The following TRIM71 variants were observed in gnomAD, a reference collection of about 807,000 sequenced individuals.
TRIM71 encodes E3 ubiquitin-protein ligase TRIM71.
A neutral mutation model predicts 61.2 loss-of-function variants in TRIM71; 9 were observed. The observed-to-expected ratio is 0.15, with a 90% CI of 0.09 to 0.26. The LOEUF (loss-of-function observed/expected upper bound fraction) is 0.26, where lower values mean the gene tolerates loss of function less well. Among genes scored for constraint, TRIM71 ranks in the 10% least tolerant of loss-of-function variants. The pLI is 1.00. For missense variants in TRIM71, 998 were observed against 1,238.7 expected (o/e 0.81, Z 2.92); for synonymous variants, 645 against 553.2 (o/e 1.17, Z -2.33).
At chr3:32,874,018 G>C in intron 2 of TRIM71, 33 bp downstream of exon 2, 2 of 1,560,574 alleles carry the variant, frequency 1.3e-6, no homozygotes, top group Non-Finnish European at 1.7e-6. Flanking sequence ...CAGTTCCCAC[G>C]TGAATCGAGC....
intron 1 of TRIM71, among the ~76,000 whole-genome samples, chr3:32,825,202 A>G (rs568663943): frequency 6.6e-6 from 1 of 152,314 alleles, no homozygotes; most frequent in Admixed American, 6.5e-5. Flanking sequence ...AATTATGAGC[A>G]TAATTGGGCT....
intron 1 of TRIM71, among the ~76,000 whole-genome samples, chr3:32,844,505 T>C (rs761741173): frequency 6.6e-6 from 1 of 152,186 alleles, no homozygotes. Context: ...CAAGCAATCC[T>C]TCTGCCTCAG....
rs78484656 is a variant in TRIM71 at position 32,869,332 on chromosome 3, C to G, written c.853-4486C>G. 1.1e-3 allele frequency among the ~76,000 whole-genome samples: 163 copies of G among 152,342 alleles called. 1 individual carries two copies. In the East Asian group the frequency reaches 0.016, roughly 15 times the overall value. ...ACCAAACTAATCTTTAAAAAGTTTA[C>G]AGCAGTTTATGTATTTTAGTTGAGA... On this transcript the variant is annotated intron_variant, in intron 1 of 3. Coordinates refer to ENST00000383763, the MANE Select transcript of TRIM71 (RefSeq NM_001039111.3).
In TRIM71 at chr3:32,893,612, C is replaced by G. The variant is rs1426516401; in HGVS notation, c.*1801C>G. 6.6e-6 allele frequency: 1 copy of G among 152,184 alleles called. No individual in the cohort carries two copies. Among genetic ancestry groups the G allele is most frequent in the Non-Finnish European group, 1.5e-5 (1 of 68,040 alleles). 9.4% of individuals were successfully genotyped at this position (152,184 alleles called of 1,614,324 possible). On this transcript the variant is annotated 3_prime_UTR_variant, in exon 4 of 4. Coordinates refer to ENST00000383763, the MANE Select transcript of TRIM71 (RefSeq NM_001039111.3). ...AAAGACTTATGGATCAACTTCTGTT[C>G]CTCTGTTTAAGAGAAATTTCTATTG...
rs1166656404 is a variant in TRIM71 at position 32,886,051 on chromosome 3, T to A, written c.1138T>A (p.Cys380Ser). Residue 380 changes from cysteine to serine, a missense_variant, in exon 3 of 4, where the codon TGT becomes AGT. Transcript: ENST00000383763. Reference protein sequence around the residue: ...RHKKALEERECELLWKVEKIR... With the variant: ...RHKKALEERESELLWKVEKIR... ...TAAGAAAGCCCTGGAGGAACGCGAG[T>A]GTGAGCTGCTGTGGAAGGTAACAGG... The A allele has an allele frequency of 6.2e-7, 1 of 1,613,354 alleles. No homozygotes were observed. The highest frequency in any genetic ancestry group is 1.1e-5 in the South Asian group (1 of 90,920).
At position 32,885,955 on chromosome 3, in the gene TRIM71, A is replaced by G; in HGVS notation, c.1042A>G (p.Thr348Ala). The G allele has an allele frequency of 6.2e-7, 1 of 1,614,050 alleles. No homozygotes were observed. Among genetic ancestry groups the G allele is most frequent in the Non-Finnish European group, 8.5e-7 (1 of 1,179,998 alleles). Residue 348 changes from threonine to alanine, a missense_variant, in exon 3 of 4, where the codon ACG becomes GCG. Transcript: ENST00000383763. Reference protein sequence around the residue: ...AIQLSIEQAQTVAEQVEMKAK... With the variant: ...AIQLSIEQAQAVAEQVEMKAK... ...CCAGCTGAGCATCGAGCAGGCCCAG[A>G]CGGTGGCGGAACAGGTGGAGATGAA...
chr3:32,888,532 TTTGTTGTTG>T (rs374711623), intron 3 of TRIM71, among the ~76,000 whole-genome samples: 6 of 149,896 alleles, frequency 4.0e-5, no homozygotes, highest in African/African-American at 1.5e-4. Flanking sequence ...CCTTTTGCGG[TTTGTTGTTG>T]TTGTTGTTGT....
chr3:32,827,636 A>G (rs987920336), intron 1 of TRIM71, among the ~76,000 whole-genome samples: 3 of 152,206 alleles, frequency 2.0e-5, no homozygotes, highest in African/African-American at 7.2e-5. Context: ...CAACATTAAT[A>G]GGTTTTAAAG....
intron 1 of TRIM71, among the ~76,000 whole-genome samples, chr3:32,855,643 T>G (rs1236985486): frequency 6.6e-6 from 1 of 152,132 alleles, no homozygotes; most frequent in Non-Finnish European, 1.5e-5. Flanking sequence ...GAGGGACATG[T>G]CCCAGAATGA....
At chr3:32,836,185 ACTTTG>A (rs1253951150) in intron 1 of TRIM71, among the ~76,000 whole-genome samples, 3 of 152,038 alleles carry the variant, frequency 2.0e-5, no homozygotes, top group Admixed American at 6.6e-5. Flanking sequence ...AGATCCCAGC[ACTTTG>A]CTCCGGAGAG....
chr3:32,878,073 A>G (rs1039587872), intron 2 of TRIM71, among the ~76,000 whole-genome samples: 4 of 152,266 alleles, frequency 2.6e-5, no homozygotes, highest in Non-Finnish European at 4.4e-5. Context: ...AGGAATCACT[A>G]TCTGTAGTAG....
At chr3:32,835,589 G>A (rs1025772364) in intron 1 of TRIM71, among the ~76,000 whole-genome samples, 1 of 152,182 alleles carries the variant, frequency 6.6e-6, no homozygotes, top group Non-Finnish European at 1.5e-5. Context: ...ATTTTAGGCT[G>A]TAATTTTTCT....
chr3:32,888,963 C>T (rs1696993134), intron 3 of TRIM71, among the ~76,000 whole-genome samples: 1 of 152,198 alleles, frequency 6.6e-6, no homozygotes, highest in African/African-American at 2.4e-5. Context: ...TGGCCTTTTG[C>T]CTAGTCTCAA....
At chr3:32,881,046 TCTCA>T (rs1485584618) in intron 2 of TRIM71, among the ~76,000 whole-genome samples, 2 of 152,008 alleles carry the variant, frequency 1.3e-5, no homozygotes, top group Non-Finnish European at 2.9e-5. Context: ...TGAGGTGGAG[TCTCA>T]CTCTGTTGCC....
chr3:32,818,687 G>A lies in TRIM71; in HGVS notation c.607G>A (p.Asp203Asn), dbSNP rs777880022. Residue 203 changes from aspartate (D) to asparagine (N), a missense_variant, in exon 1 of 4, where the codon GAT (aspartate) becomes AAT (asparagine). Around this residue, in one of 5 missense-constraint regions of TRIM71, gnomAD observed 527 missense variants for 427.8 expected, o/e 1.23. Transcript: ENST00000383763. Reference protein sequence around the residue: ...LRRPHGCSSCDEGNAASSRCL... With the variant: ...LRRPHGCSSCNEGNAASSRCL... The stretch of plus-strand genomic sequence containing the variant: ...CCGTCCTCACGGCTGCAGCTCGTGC[G>A]ATGAGGGCAACGCAGCTTCTTCGCG... 4 of 1,566,896 alleles carry A rather than the reference G, an allele frequency of 2.6e-6. No individual in the cohort carries two copies. In the South Asian group the frequency reaches 4.6e-5, roughly 18 times the overall value.
At chr3:32,859,554 G>C (rs1696642300) in intron 1 of TRIM71, among the ~76,000 whole-genome samples, 1 of 152,164 alleles carries the variant, frequency 6.6e-6, no homozygotes, top group African/African-American at 2.4e-5. Context: ...CACTGTGCCT[G>C]GCCAACTTTG....
intron 2 of TRIM71, among the ~76,000 whole-genome samples, chr3:32,877,888 A>G (rs779993777): frequency 6.6e-6 from 1 of 152,092 alleles, no homozygotes; most frequent in Non-Finnish European, 1.5e-5. Context: ...TTCTTCAAAC[A>G]TCCTATTAAT....
intron 1 of TRIM71, among the ~76,000 whole-genome samples, chr3:32,843,846 G>C (rs1696439518): frequency 6.6e-6 from 1 of 152,154 alleles, no homozygotes; most frequent in Admixed American, 6.5e-5. Context: ...AGCAAACCAG[G>C]GTGTGGGCAA....
intron 1 of TRIM71, among the ~76,000 whole-genome samples, chr3:32,854,110 T>C (rs1335640260): frequency 6.6e-6 from 1 of 152,110 alleles, no homozygotes; most frequent in African/African-American, 2.4e-5. Flanking sequence ...TGCCTGAGCC[T>C]CCCAAGTATC....
Sources: gnomAD v4.1 joint callset for allele counts (sites outside exome capture counted in the v4.1 genomes callset) on GRCh38, gnomAD v4.1.1 for gene constraint, gnomAD v4.1.1 regional missense constraint, MANE v1.5 for transcripts, NCBI Gene and HGNC (gene_info 2026-07-23, HGNC 2026-07-21) for gene names.